Variants in LRRTM4 observed in about 807,000 individuals in gnomAD.
The protein encoded by LRRTM4 is leucine-rich repeat transmembrane neuronal protein 4.
A neutral mutation model predicts 47.6 loss-of-function variants in LRRTM4; 25 were observed. That is an observed-to-expected ratio of 0.53 (90% CI 0.38 to 0.73). The LOEUF is 0.73. Among genes scored for constraint, LRRTM4 ranks in the 30% least tolerant of loss-of-function variants. The pLI, the probability that LRRTM4 is intolerant of heterozygous loss-of-function variation, is 0.00. For missense variants in LRRTM4, 638 were observed against 713.4 expected, an observed-to-expected ratio of 0.89 and a Z score of 1.20; for synonymous variants, 311 against 269.5, an observed-to-expected ratio of 1.15 and a Z score of -1.51.
At chr2:77,394,345 C>G (rs368137557) in intron 3 of LRRTM4, among the ~76,000 whole-genome samples, 16 of 151,878 alleles carry the variant, frequency 1.1e-4, no homozygotes, top group Non-Finnish European at 2.4e-4. Flanking sequence ...TCCTTCCTTC[C>G]CTTACTGTCA....
chr2:76,951,617 A>T (rs1004519793), intron 3 of LRRTM4, among the ~76,000 whole-genome samples: 1 of 151,966 alleles, frequency 6.6e-6, no homozygotes, highest in Non-Finnish European at 1.5e-5. Flanking sequence ...CAGATAATAG[A>T]TAATTTTTTT....
chr2:77,127,748 C>T (rs146571642), intron 3 of LRRTM4, among the ~76,000 whole-genome samples: 156 of 152,274 alleles, frequency 1.0e-3, no homozygotes, highest in African/African-American at 3.6e-3. Context: ...AACTCTGCAA[C>T]CCCAGTTAAG....
intron 3 of LRRTM4, among the ~76,000 whole-genome samples, chr2:76,991,202 T>A (rs1676995226): frequency 6.6e-6 from 1 of 151,544 alleles, no homozygotes; most frequent in Non-Finnish European, 1.5e-5. Context: ...TAGAAAGATC[T>A]CAAATTAATG....
At chr2:77,105,571 A>C (rs1671073579) in intron 3 of LRRTM4, among the ~76,000 whole-genome samples, 1 of 152,006 alleles carries the variant, frequency 6.6e-6, no homozygotes, top group Admixed American at 6.6e-5. Context: ...ATGACGAGTT[A>C]CTGGGTGCAG....
At chr2:76,856,954 TACA>T (rs1233898769) in intron 3 of LRRTM4, among the ~76,000 whole-genome samples, 2 of 152,124 alleles carry the variant, frequency 1.3e-5, no homozygotes, top group African/African-American at 4.8e-5. Context: ...AAGAAAAATT[TACA>T]ACAATGGTTT....
At chr2:77,390,962 T>C (rs1673480046) in intron 3 of LRRTM4, among the ~76,000 whole-genome samples, 2 of 151,872 alleles carry the variant, frequency 1.3e-5, no homozygotes, top group Admixed American at 6.6e-5. Flanking sequence ...AAAGAAAATA[T>C]ATAATTTTTA....
chr2:77,469,283 G>A (rs1336729060), intron 3 of LRRTM4, among the ~76,000 whole-genome samples: 1 of 152,192 alleles, frequency 6.6e-6, no homozygotes, highest in African/African-American at 2.4e-5. Context: ...GTGGGCAACC[G>A]CAGCCCACAC....
chr2:77,212,607 ATGG>A (rs149354338), intron 3 of LRRTM4, among the ~76,000 whole-genome samples: 7,643 of 151,320 alleles, frequency 0.051, 632 homozygotes, highest in African/African-American at 0.17. Context: ...AGATAAACAA[ATGG>A]TGGTATAGAA....
intron 3 of LRRTM4, among the ~76,000 whole-genome samples, chr2:77,130,422 T>C (rs930717825): frequency 6.6e-6 from 1 of 152,206 alleles, no homozygotes; most frequent in African/African-American, 2.4e-5. Flanking sequence ...TTATTATTTG[T>C]ACACTATGGA....
At chr2:76,796,077 C>G (rs1675298966) in intron 3 of LRRTM4, among the ~76,000 whole-genome samples, 1 of 131,160 alleles carries the variant, frequency 7.6e-6, no homozygotes, top group African/African-American at 3.0e-5. Context: ...AAAATCGGGT[C>G]ACTCCCACCC....
At chr2:77,336,861 C>A (rs995633175) in intron 3 of LRRTM4, among the ~76,000 whole-genome samples, 3 of 152,004 alleles carry the variant, frequency 2.0e-5, no homozygotes, top group African/African-American at 4.8e-5. Context: ...TGGAAGTCCT[C>A]ACCACAGAAA....
chr2:76,983,512 T>C (rs1290871810), intron 3 of LRRTM4, among the ~76,000 whole-genome samples: 2 of 152,052 alleles, frequency 1.3e-5, no homozygotes, highest in Non-Finnish European at 2.9e-5. Flanking sequence ...ATGTAAGACA[T>C]GCCTTTGCTG....
At chr2:77,182,819 A>C (rs1573048166) in intron 3 of LRRTM4, among the ~76,000 whole-genome samples, 1 of 152,192 alleles carries the variant, frequency 6.6e-6, no homozygotes, top group Non-Finnish European at 1.5e-5. Flanking sequence ...ACCAGACAAA[A>C]ACAAGAAATG....
chr2:77,223,545 A>C (rs975231021), intron 3 of LRRTM4, among the ~76,000 whole-genome samples: 3 of 152,210 alleles, frequency 2.0e-5, no homozygotes, highest in Admixed American at 6.5e-5. Flanking sequence ...AAAAATCACA[A>C]GCATTCTTAT....
At chr2:76,966,259 G>A (rs1477974986) in intron 3 of LRRTM4, among the ~76,000 whole-genome samples, 6 of 151,436 alleles carry the variant, frequency 4.0e-5, no homozygotes, top group Non-Finnish European at 5.9e-5. Context: ...AGGAATTCTA[G>A]TATCAGGTGA....
intron 3 of LRRTM4, among the ~76,000 whole-genome samples, chr2:77,289,097 C>G (rs917423772): frequency 6.6e-6 from 1 of 151,864 alleles, no homozygotes; most frequent in African/African-American, 2.4e-5. Context: ...TAGCTGTATC[C>G]TTTTATTAAA....
chr2:76,993,154 A>C (rs1677072995), intron 3 of LRRTM4, among the ~76,000 whole-genome samples: 1 of 151,980 alleles, frequency 6.6e-6, no homozygotes, highest in African/African-American at 2.4e-5. Context: ...GTAAGACCTC[A>C]AACTGTAAAA....
chr2:76,858,091 T>C (rs967803984), intron 3 of LRRTM4, among the ~76,000 whole-genome samples: 1 of 152,108 alleles, frequency 6.6e-6, no homozygotes, highest in Non-Finnish European at 1.5e-5. Context: ...ATATCTATAA[T>C]GGTTAGTTTT....
At chr2:76,951,993 G>C (rs1267650501) in intron 3 of LRRTM4, among the ~76,000 whole-genome samples, 1 of 151,950 alleles carries the variant, frequency 6.6e-6, no homozygotes, top group African/African-American at 2.4e-5. Context: ...ATTCCGTGGT[G>C]TATATGTGCC....
Sources: allele counts gnomAD v4.1 joint callset (sites outside exome capture counted in the v4.1 genomes callset), GRCh38; gene constraint gnomAD v4.1.1; transcripts MANE v1.5; gene names NCBI Gene and HGNC (gene_info 2026-07-23, HGNC 2026-07-21).